Variants in SGIP1 observed in about 807,000 individuals in gnomAD.
The protein encoded by SGIP1 is SH3-containing GRB2-like protein 3-interacting protein 1.
A neutral mutation model predicts 107.5 loss-of-function variants in SGIP1; 38 were observed. The ratio of observed to expected loss-of-function variants is 0.35; its 90% CI spans 0.27 to 0.46. SGIP1 has a LOEUF of 0.46. SGIP1 is among the 20% of genes least tolerant of loss of function. SGIP1 has a pLI of 1.00. For synonymous variants in SGIP1, 365 were observed against 366.1 expected (o/e 1.00, Z 0.03); for missense variants, 929 against 1,019.5 (o/e 0.91, Z 1.21).
intron 18 of SGIP1, among the ~76,000 whole-genome samples, chr1:66,697,413 C>T (rs2091133463): frequency 2.0e-5 from 3 of 152,078 alleles, no homozygotes; most frequent in South Asian, 4.1e-4. Context: ...ATGCAAGAAG[C>T]GTTTTAATAG....
chr1:66,618,041 C>T (rs2069864830), intron 1 of SGIP1, among the ~76,000 whole-genome samples: 1 of 151,696 alleles, frequency 6.6e-6, no homozygotes, highest in Admixed American at 6.6e-5. Flanking sequence ...AATATAATAG[C>T]TCCCATCTTA....
At chr1:66,716,751 T>C (rs1449011101) in intron 18 of SGIP1, among the ~76,000 whole-genome samples, 1 of 152,152 alleles carries the variant, frequency 6.6e-6, no homozygotes, top group African/African-American at 2.4e-5. Flanking sequence ...AAAAGTATTC[T>C]TAGATTTGTA....
intron 7 of SGIP1, among the ~76,000 whole-genome samples, chr1:66,644,788 A>G (rs947094945): frequency 1.3e-5 from 2 of 152,192 alleles, no homozygotes; most frequent in African/African-American, 4.8e-5. Context: ...TAACAACCAA[A>G]ATGATTGCTA....
chr1:66,677,156 A>G (rs983525681), intron 13 of SGIP1, 60 bp downstream of exon 13: 7 of 1,357,102 alleles, frequency 5.2e-6, no homozygotes, highest in South Asian at 2.4e-5. Context: ...GTCTGTCTGC[A>G]TAGTGAAATT....
In SGIP1 at chr1:66,739,363, C is replaced by T. The variant is rs1430911110; in HGVS notation, c.2060C>T (p.Pro687Leu). ...TCTGCCCAGGGCATTCAGTCCACAC[C>T]TCTGAACCTGGCAGTGAATTGGCGA... ...QVSAQGIQST[P>L]LNLAVNWRCE... The change falls in exon 22 of 25, where the codon CCT becomes CTT. Residue 687 changes from proline (P) to leucine (L), a missense_variant. This residue lies in a region of SGIP1 where 341 missense variants were observed against 430.9 expected (regional missense o/e 0.79). Transcript: ENST00000371037. The T allele has an allele frequency of 6.2e-7, 1 of 1,614,082 alleles. No individual in the cohort carries two copies.
intron 1 of SGIP1, among the ~76,000 whole-genome samples, chr1:66,535,412 A>C (rs2053368638): frequency 6.6e-6 from 1 of 152,224 alleles, no homozygotes; most frequent in African/African-American, 2.4e-5. Flanking sequence ...CTCTTAAGCC[A>C]AGGTTTGTCC....
chr1:66,603,661 C>A (rs2066283789), intron 1 of SGIP1, among the ~76,000 whole-genome samples: 1 of 151,942 alleles, frequency 6.6e-6, no homozygotes, highest in Non-Finnish European at 1.5e-5. Flanking sequence ...GGGTAGAAAG[C>A]CTAATTTTTT....
chr1:66,597,370 T>C (rs900386448), intron 1 of SGIP1, among the ~76,000 whole-genome samples: 2 of 152,262 alleles, frequency 1.3e-5, no homozygotes, highest in Non-Finnish European at 2.9e-5. Context: ...AGCACCTTAT[T>C]TAAAACTTGA....
At position 66,684,281 on chromosome 1, in the gene SGIP1, C is replaced by T. The variant is rs79161970; in HGVS notation, c.1315+1912C>T. The T allele has an allele frequency of 4.8e-3, 7,367 of 1,523,486 alleles. 19 individuals carry two copies. Among genetic ancestry groups the T allele is most frequent in the Middle Eastern group, 0.017 (99 of 5,802 alleles). The allele number at this position is 1,523,486 out of a possible 1,614,324, so 94.4% of individuals were successfully genotyped here. On this transcript the variant is annotated intron_variant, in intron 15 of 24. Coordinates refer to ENST00000371037, the MANE Select transcript of SGIP1 (RefSeq NM_032291.4). ...TAAATATTCCAAACTTATTTGACTA[C>T]TGACACCCATCTACACTGCACAGTG...
rs1194089124 is a variant in SGIP1, at chr1:66,567,823, G to A, written c.10+33455G>A. ...AAGATCAGATGGCTTTAGATGTGTG[G>A]TGTTATTTCTGCGGTCTCTGTTCTG... On this transcript the variant is annotated intron_variant, in intron 1 of 24. Transcript: ENST00000371037. Among the ~76,000 whole-genome samples the A allele has an allele frequency of 3.3e-5, 5 of 152,214 alleles. No individual in the cohort carries two copies. In the East Asian group the frequency reaches 9.7e-4, roughly 29 times the overall value.
At chr1:66,638,958 G>T (rs1316279585) in intron 4 of SGIP1, among the ~76,000 whole-genome samples, 1 of 152,142 alleles carries the variant, frequency 6.6e-6, no homozygotes, top group Non-Finnish European at 1.5e-5. Context: ...AACGTGATTT[G>T]TGTTTGTCGT....
intron 18 of SGIP1, among the ~76,000 whole-genome samples, chr1:66,713,364 T>C (rs1320380630): frequency 2.0e-5 from 3 of 152,122 alleles, no homozygotes; most frequent in African/African-American, 7.2e-5. Context: ...AAATCTAGGA[T>C]TGAATTTCAG....
intron 11 of SGIP1, 92 bp from the exon 12 acceptor site, chr1:66,673,189 C>G (rs1489681057): frequency 1.5e-6 from 2 of 1,320,256 alleles, no homozygotes; most frequent in Non-Finnish European, 2.2e-6. Context: ...ACACTTGTTT[C>G]ACTAAGAAAA....
At chr1:66,643,097 A>ATGGTGGGTACTGAGCTGTC (rs1553278186) in intron 6 of SGIP1, among the ~76,000 whole-genome samples, 1 of 151,586 alleles carries the variant, frequency 6.6e-6, no homozygotes, top group African/African-American at 2.4e-5. Context: ...TGCTAAAAAA[A>ATGGTGGGTACTGAGCTGTC]CGCTAATCCC....
At chr1:66,692,760 A>G (rs1314115474) in intron 17 of SGIP1, among the ~76,000 whole-genome samples, 1 of 152,240 alleles carries the variant, frequency 6.6e-6, no homozygotes, top group African/African-American at 2.4e-5. Flanking sequence ...AATCTAAAGT[A>G]ATTCAAGAAC....
At chr1:66,580,102 C>A (rs1003609613) in intron 1 of SGIP1, among the ~76,000 whole-genome samples, 7 of 152,106 alleles carry the variant, frequency 4.6e-5, no homozygotes, top group African/African-American at 1.7e-4. Context: ...CTATGAGTTA[C>A]CTACATGACA....
At chr1:66,579,348 T>C (rs2061509834) in intron 1 of SGIP1, among the ~76,000 whole-genome samples, 1 of 152,136 alleles carries the variant, frequency 6.6e-6, no homozygotes, top group Non-Finnish European at 1.5e-5. Context: ...AGGCATAAGA[T>C]GGTAGACATA....
At chr1:66,624,667 T>C (rs17129217) in intron 1 of SGIP1, among the ~76,000 whole-genome samples, 1,945 of 152,310 alleles carry the variant, frequency 0.013, 47 homozygotes, top group African/African-American at 0.044. Flanking sequence ...CTGTCATTGT[T>C]TTTCCCTTTG....
At chr1:66,580,163 A>G (rs1364612823) in intron 1 of SGIP1, among the ~76,000 whole-genome samples, 1 of 152,108 alleles carries the variant, frequency 6.6e-6, no homozygotes, top group East Asian at 1.9e-4. Flanking sequence ...CATATTTTCA[A>G]TATACTTGAA....
Sources: allele counts gnomAD v4.1 joint callset (sites outside exome capture counted in the v4.1 genomes callset), GRCh38; gene constraint gnomAD v4.1.1; regional missense constraint gnomAD v4.1.1; transcripts MANE v1.5; gene names NCBI Gene and HGNC (gene_info 2026-07-23, HGNC 2026-07-21).